PSME3IP1: variants seen among roughly 807,000 people sequenced by gnomAD.
The protein encoded by PSME3IP1 is proteasome activator subunit 3 interacting protein 1, also known as PSME3-interacting protein.
A neutral mutation model predicts 34.1 loss-of-function variants in PSME3IP1; 13 were observed. The observed-to-expected ratio is 0.38, with a 90% CI of 0.25 to 0.61. The LOEUF is 0.61. Among genes scored for constraint, PSME3IP1 ranks in the 20% least tolerant of loss-of-function variants. The pLI is 0.60. For missense variants in PSME3IP1, 237 were observed against 301.4 expected (o/e 0.79, Z 1.58); for synonymous variants, 93 against 114.3 (o/e 0.81, Z 1.19).
At chr16:57,167,057 C>A in intron 5 of PSME3IP1, 36 bp downstream of exon 5, 1 of 1,610,816 alleles carries the variant, frequency 6.2e-7, no homozygotes, top group South Asian at 1.1e-5. Context: ...AGTACACGGT[C>A]AGAGAGAAAT....
At chr16:57,175,439 T>C (rs2073089048) in intron 1 of PSME3IP1, 1 of 152,212 alleles carries the variant, frequency 6.6e-6, no homozygotes, top group Middle Eastern at 3.2e-3. Flanking sequence ...GAGGCACATA[T>C]TCAATCCAAT....
chr16:57,162,390 T>C (rs1166782281), intron 6 of PSME3IP1, among the ~76,000 whole-genome samples: 1 of 151,920 alleles, frequency 6.6e-6, no homozygotes, highest in Non-Finnish European at 1.5e-5. Flanking sequence ...GCTGACTGGG[T>C]GTGGTGGCTC....
chr16:57,182,565 A>AAAAC (rs1567457812), intron 1 of PSME3IP1, among the ~76,000 whole-genome samples: 1 of 150,256 alleles, frequency 6.7e-6, no homozygotes, highest in African/African-American at 2.5e-5. Flanking sequence ...AAAAAAAAAA[A>AAAAC]AAAAAAAAAA....
At chr16:57,167,972 C>T (rs1370497878) in intron 4 of PSME3IP1, among the ~76,000 whole-genome samples, 1 of 152,210 alleles carries the variant, frequency 6.6e-6, no homozygotes, top group Non-Finnish European at 1.5e-5. Context: ...CAATCTCTGG[C>T]TCTCAACTTT....
chr16:57,168,344 C>G (rs1458643416), intron 4 of PSME3IP1, among the ~76,000 whole-genome samples: 3 of 152,152 alleles, frequency 2.0e-5, no homozygotes, highest in Non-Finnish European at 4.4e-5. Context: ...TCTAATCACT[C>G]TCCAGGCAAC....
At chr16:57,180,841 G>A (rs2073635204) in intron 1 of PSME3IP1, among the ~76,000 whole-genome samples, 1 of 152,020 alleles carries the variant, frequency 6.6e-6, no homozygotes, top group African/African-American at 2.4e-5. Context: ...CATCACTTAA[G>A]GCCAGGAATT....
At chr16:57,176,550 T>C (rs1204096393) in intron 1 of PSME3IP1, among the ~76,000 whole-genome samples, 1 of 152,202 alleles carries the variant, frequency 6.6e-6, no homozygotes, top group East Asian at 1.9e-4. Flanking sequence ...TGAACTGAAA[T>C]CTGTTTTACT....
intron 1 of PSME3IP1, chr16:57,174,417 A>T: frequency 3.0e-6 from 3 of 984,182 alleles, no homozygotes; most frequent in Non-Finnish European, 3.6e-6. Flanking sequence ...AGTTGGCAAG[A>T]GGACCTGGGA....
At chr16:57,157,328 A>AT (rs2070665968) in intron 6 of PSME3IP1, among the ~76,000 whole-genome samples, 1 of 151,202 alleles carries the variant, frequency 6.6e-6, no homozygotes, top group Admixed American at 6.6e-5. Flanking sequence ...AAAAAAAAAA[A>AT]AAAAGAAGAA....
Position 57,173,721 on chromosome 16 carries a change from A to G in PSME3IP1, c.127+7T>C. ...TAAAGACCATTATACTGACTGTCAC[A>G]GTATACCTTCTGGATCTTCAGGTTT... On this transcript the variant is annotated splice_region_variant and intron_variant, in intron 2 of 6. Transcript: ENST00000309137. 1.2e-6 allele frequency: 2 copies of G among 1,613,602 alleles called. No individual in the cohort carries two copies. The highest frequency in any genetic ancestry group is 1.7e-6 in the Non-Finnish European group (2 of 1,179,968).
chr16:57,181,465 TC>T (rs1377870870), intron 1 of PSME3IP1: 1 of 152,176 alleles, frequency 6.6e-6, no homozygotes, highest in Non-Finnish European at 1.5e-5. Context: ...GAGGGATATG[TC>T]CCCACACACC....
intron 1 of PSME3IP1, chr16:57,174,293 C>CAAAAA: frequency 7.5e-6 from 2 of 268,342 alleles, no homozygotes; most frequent in Non-Finnish European, 5.3e-6. Context: ...GATTCTGTCT[C>CAAAAA]AAAAAAAAAA....
chr16:57,154,471 AG>A lies in PSME3IP1; in HGVS notation c.583del (p.Leu195Ter). ...SSCKSLGNTS[L>X]SGPSIHCPSA... The stretch of plus-strand genomic sequence containing the variant: ...GGGGCAGTGGATGGAGGGGCCACTC[AG>A]GGAGGTGTTTCCGAGAGACTTGCAG... On this transcript the variant is annotated frameshift_variant, in exon 7 of 7. Transcript: ENST00000309137. LOFTEE classifies it high-confidence loss of function. This position sits in a 1 kb window ranked among gnomAD's most constrained non-coding sequence, Gnocchi z 4.0. 6.8e-6 allele frequency: 11 copies of A among 1,613,128 alleles called. No homozygotes were observed. Among genetic ancestry groups the A allele is most frequent in the Non-Finnish European group, 9.3e-6 (11 of 1,179,294 alleles).
At chr16:57,172,177 T>C (rs2072662976) in intron 4 of PSME3IP1, 74 bp downstream of exon 4, 9 of 1,524,166 alleles carry the variant, frequency 5.9e-6, no homozygotes, top group African/African-American at 1.4e-5. Flanking sequence ...TTTCTGTTGA[T>C]GAGGAGACAA....
intron 2 of PSME3IP1, among the ~76,000 whole-genome samples, 191 bp downstream of exon 2, chr16:57,173,537 G>T (rs1442136213): frequency 1.3e-5 from 2 of 152,172 alleles, no homozygotes; most frequent in African/African-American, 4.8e-5. Flanking sequence ...GCTAAGGCAG[G>T]AGAATCTCCT....
At chr16:57,163,935 T>C (rs915248003) in intron 6 of PSME3IP1, 66 bp downstream of exon 6, 10 of 1,448,874 alleles carry the variant, frequency 6.9e-6, no homozygotes, top group Admixed American at 3.4e-5. Context: ...AAGCAATGCA[T>C]TACAGCCCTT....
At chr16:57,180,773 G>C (rs944177017) in intron 1 of PSME3IP1, among the ~76,000 whole-genome samples, 8 of 152,040 alleles carry the variant, frequency 5.3e-5, no homozygotes, top group African/African-American at 1.9e-4. Flanking sequence ...CAGACAAACA[G>C]GCTAGGCACA....
chr16:57,175,833 A>C (rs2073121417), intron 1 of PSME3IP1: 1 of 152,246 alleles, frequency 6.6e-6, no homozygotes, highest in Non-Finnish European at 1.5e-5. Context: ...GAGAATATTC[A>C]TGCAACATTT....
At chr16:57,163,859 A>C (rs1683546768) in intron 6 of PSME3IP1, 142 bp downstream of exon 6, 1 of 807,092 alleles carries the variant, frequency 1.2e-6, no homozygotes. Flanking sequence ...CCTGCCTGGC[A>C]TAAAAAAGTT....
Sources: gnomAD v4.1 joint callset for allele counts (sites outside exome capture counted in the v4.1 genomes callset) on GRCh38, gnomAD v4.1.1 for gene constraint, Gnocchi (gnomAD v3.1) non-coding constraint, MANE v1.5 for transcripts, NCBI Gene and HGNC (gene_info 2026-07-23, HGNC 2026-07-21) for gene names.